PTPRN2: variants seen among roughly 807,000 people sequenced by gnomAD.
The protein encoded by PTPRN2 is protein tyrosine phosphatase receptor type N2.
Under a neutral mutation model 118.8 loss-of-function variants are expected in PTPRN2, and 74 were observed. The observed-to-expected ratio is 0.62, with a 90% CI of 0.52 to 0.76. PTPRN2 has a LOEUF of 0.76. Ranked by LOEUF, PTPRN2 falls within the 30% of genes least tolerant of loss-of-function variation. The pLI is 0.00. For synonymous variants in PTPRN2, 641 were observed against 608.0 expected, an observed-to-expected ratio of 1.05 and a Z score of -0.80; for missense variants, 1,481 against 1,394.4, an observed-to-expected ratio of 1.06 and a Z score of -0.99.
intron 11 of PTPRN2, among the ~76,000 whole-genome samples, chr7:157,942,576 G>A (rs753147925): frequency 5.3e-5 from 8 of 152,000 alleles, no homozygotes; most frequent in Non-Finnish European, 7.4e-5. Flanking sequence ...CTCTCATTGA[G>A]ACTGGGAGCT....
intron 12 of PTPRN2, chr7:157,740,193 AT>A (rs1435967658): frequency 6.6e-6 from 1 of 152,232 alleles, no homozygotes; most frequent in Non-Finnish European, 1.5e-5. Flanking sequence ...CCTTAATGCC[AT>A]TGCCCAGATG....
chr7:157,661,911 G>A (rs1267451076), intron 13 of PTPRN2, among the ~76,000 whole-genome samples: 2 of 152,218 alleles, frequency 1.3e-5, no homozygotes, highest in African/African-American at 4.8e-5. Flanking sequence ...CCACAAAGCT[G>A]CCCTGAGACA....
intron 9 of PTPRN2, among the ~76,000 whole-genome samples, chr7:158,112,685 G>A (rs1305539858): frequency 1.3e-5 from 2 of 152,156 alleles, no homozygotes; most frequent in South Asian, 4.1e-4. Context: ...CAGGCTAGGT[G>A]CTGAGGGGCG....
At chr7:158,130,227 C>A (rs541647762) in intron 9 of PTPRN2, among the ~76,000 whole-genome samples, 2 of 152,332 alleles carry the variant, frequency 1.3e-5, no homozygotes, top group African/African-American at 4.8e-5. Context: ...GCCCGCAGGA[C>A]AGATGGGTTC....
At chr7:158,377,484 C>A (rs1343994203) in intron 2 of PTPRN2, among the ~76,000 whole-genome samples, 2 of 152,182 alleles carry the variant, frequency 1.3e-5, no homozygotes, top group Admixed American at 1.3e-4. Context: ...AAGGGGACCC[C>A]ACTTGGACAC....
At chr7:158,352,342 C>T (rs1028377196) in intron 2 of PTPRN2, among the ~76,000 whole-genome samples, 1 of 151,352 alleles carries the variant, frequency 6.6e-6, no homozygotes, top group African/African-American at 2.4e-5. Flanking sequence ...TGACCGCTCC[C>T]CTCCTGTCCG....
At chr7:158,413,105 C>T (rs901807182) in intron 2 of PTPRN2, among the ~76,000 whole-genome samples, 14 of 150,358 alleles carry the variant, frequency 9.3e-5, no homozygotes, top group African/African-American at 3.2e-4. Context: ...AGGACCCATC[C>T]AGCACCCTCC....
intron 1 of PTPRN2, among the ~76,000 whole-genome samples, chr7:158,522,643 G>A (rs532756177): frequency 6.6e-6 from 1 of 152,332 alleles, no homozygotes; most frequent in Non-Finnish European, 1.5e-5. Flanking sequence ...GCGGCTAGAT[G>A]CAGTCTGTGG....
intron 3 of PTPRN2, among the ~76,000 whole-genome samples, chr7:158,272,601 C>G (rs1798589679): frequency 6.6e-6 from 1 of 152,200 alleles, no homozygotes; most frequent in African/African-American, 2.4e-5. Context: ...GCCTTGCACC[C>G]CAGACACCAG....
intron 12 of PTPRN2, among the ~76,000 whole-genome samples, chr7:157,817,711 C>A (rs1462110047): frequency 2.0e-5 from 3 of 152,212 alleles, no homozygotes; most frequent in Non-Finnish European, 2.9e-5. Flanking sequence ...GGCTGCCCTG[C>A]AGAGGGTGTG....
chr7:157,867,414 A>G (rs1810768949), intron 12 of PTPRN2, among the ~76,000 whole-genome samples: 1 of 123,062 alleles, frequency 8.1e-6, no homozygotes, highest in African/African-American at 3.3e-5. Flanking sequence ...CCCTGGATAC[A>G]CGGCCACCTG....
intron 2 of PTPRN2, among the ~76,000 whole-genome samples, chr7:158,457,058 C>T (rs552040473): frequency 6.6e-6 from 1 of 152,122 alleles, no homozygotes; most frequent in Non-Finnish European, 1.5e-5. Flanking sequence ...AAAAAGTCAT[C>T]TTGTAGTTAA....
In PTPRN2 at chr7:157,853,452, A is replaced by AC. The variant is rs1022310183; in HGVS notation, c.1788+45220dup. 2.7e-4 allele frequency among the ~76,000 whole-genome samples: 37 copies of AC among 138,886 alleles called. 1 individual carries two copies. Among genetic ancestry groups the AC allele is most frequent in the African/African-American group, 4.6e-4 (17 of 37,074 alleles). 91.1% of individuals were successfully genotyped at this position (138,886 alleles called of 152,430 possible). A position where few individuals can be genotyped will look rare whatever the true frequency, so the allele number is the denominator to read the frequency against. On this transcript the variant is annotated intron_variant, in intron 12 of 22. Coordinates refer to ENST00000389418, the MANE Select transcript of PTPRN2 (RefSeq NM_002847.5). ...TTTGCCTCTGTCTGGCCCTCTCCCCACCCCCCCACCTCCCTTTGCCGTCTT... is the reference window on the plus strand; with the variant it reads ...TTTGCCTCTGTCTGGCCCTCTCCCCACCCCCCCCACCTCCCTTTGCCGTCTT...
intron 2 of PTPRN2, among the ~76,000 whole-genome samples, chr7:158,341,381 C>A (rs534297491): frequency 1.7e-4 from 25 of 145,892 alleles, no homozygotes; most frequent in Non-Finnish European, 2.7e-4. Context: ...TCACTCACAC[C>A]CACACTCTCA....
intron 10 of PTPRN2, among the ~76,000 whole-genome samples, chr7:158,085,930 TGACGCCCATCCACATACAC>T (rs1410811581): frequency 3.1e-5 from 4 of 128,646 alleles, no homozygotes; most frequent in African/African-American, 9.0e-5. Context: ...TCCACACCCA[TGACGCCCATCCACATACAC>T]GACGCCCATC....
At chr7:157,824,588 G>A (rs1176465753) in intron 12 of PTPRN2, among the ~76,000 whole-genome samples, 2 of 152,220 alleles carry the variant, frequency 1.3e-5, no homozygotes, top group East Asian at 3.9e-4. Flanking sequence ...GTTGGCAACT[G>A]AGCCTCCCGC....
rs371038464 is a variant in PTPRN2 at position 157,999,234 on chromosome 7, T to C, written c.1723+82064A>G. Among the ~76,000 whole-genome samples, 7 of 151,966 alleles carry C rather than the reference T, an allele frequency of 4.6e-5. No homozygotes were observed. The East Asian group carries it at 1.4e-3, about 29-fold the overall frequency. ...TAGTTGCCTGAACACAAACCCTCCT[T>C]CTCCCTCGCTCAAGCCATCAGGGGG... On this transcript the variant is annotated intron_variant, in intron 11 of 22. Transcript: ENST00000389418.
At chr7:158,304,031 T>A (rs1801088947) in intron 3 of PTPRN2, among the ~76,000 whole-genome samples, 1 of 152,090 alleles carries the variant, frequency 6.6e-6, no homozygotes, top group South Asian at 2.1e-4. Context: ...TACACTAAGA[T>A]GTGCACAGGC....
intron 16 of PTPRN2, among the ~76,000 whole-genome samples, chr7:157,601,007 G>A (rs973083918): frequency 3.9e-5 from 6 of 152,080 alleles, no homozygotes; most frequent in Admixed American, 1.3e-4. Context: ...GTTTTTACAC[G>A]TCACTGGGAG....
Sources: allele counts gnomAD v4.1 joint callset (sites outside exome capture counted in the v4.1 genomes callset), GRCh38; gene constraint gnomAD v4.1.1; transcripts MANE v1.5; gene names NCBI Gene and HGNC (gene_info 2026-07-23, HGNC 2026-07-21).